Variants in USP34 observed in about 807,000 individuals in gnomAD.
The protein encoded by USP34 is ubiquitin specific peptidase 34.
USP34 carries 70 observed loss-of-function variants against 460.3 expected under a neutral mutation model. That is an observed-to-expected ratio of 0.15 (90% confidence interval 0.13 to 0.19). USP34 has a LOEUF of 0.19. USP34 is among the 10% of genes least tolerant of loss of function. USP34 has a pLI of 1.00. For missense variants in USP34, 3,985 were observed against 4,236.2 expected (o/e 0.94, Z 1.65); for synonymous variants, 1,647 against 1,405.3 (o/e 1.17, Z -3.85).
intron 10 of USP34, 104 bp from the exon 11 acceptor site, chr2:61,350,797 A>C: frequency 8.9e-7 from 1 of 1,123,734 alleles, no homozygotes. Flanking sequence ...CCAGTACACT[A>C]ATATTTTTTA....
intron 1 of USP34, among the ~76,000 whole-genome samples, chr2:61,447,218 G>GCA (rs2104047561): frequency 1.7e-5 from 2 of 117,424 alleles, no homozygotes; most frequent in South Asian, 5.9e-4. Context: ...ACGCACCACT[G>GCA]CACTCCAGCC....
chr2:61,213,625 G>C (rs763517936), intron 68 of USP34, among the ~76,000 whole-genome samples: 4 of 152,144 alleles, frequency 2.6e-5, no homozygotes, highest in Admixed American at 1.3e-4. Context: ...TGCAGCTTGA[G>C]AAAAAATACT....
chr2:61,205,937 C>A, intron 72 of USP34, 80 bp downstream of exon 72: 1 of 1,082,644 alleles, frequency 9.2e-7, no homozygotes, highest in South Asian at 1.3e-5. Context: ...TCAAACACTA[C>A]AGGCTTAACA....
chr2:61,468,402 T>C (rs1695850139), intron 1 of USP34, among the ~76,000 whole-genome samples: 1 of 152,220 alleles, frequency 6.6e-6, no homozygotes, highest in East Asian at 1.9e-4. Context: ...AGGCTGGTCT[T>C]GAACTCCCAA....
intron 1 of USP34, among the ~76,000 whole-genome samples, chr2:61,466,901 C>T (rs902994714): frequency 9.5e-6 from 1 of 105,662 alleles, no homozygotes; most frequent in Non-Finnish European, 2.0e-5. Flanking sequence ...GACTCCGTGT[C>T]AAAAAAAAAA....
chr2:61,193,991 A>T (rs912764066), intron 75 of USP34: 9 of 430,422 alleles, frequency 2.1e-5, no homozygotes, highest in African/African-American at 1.9e-4. Context: ...CATGTCAGAA[A>T]ATATTCTATA....
At chr2:61,440,578 C>T (rs548513889) in intron 1 of USP34, among the ~76,000 whole-genome samples, 1 of 150,190 alleles carries the variant, frequency 6.7e-6, no homozygotes, top group Admixed American at 6.6e-5. Flanking sequence ...AATGCAGTGG[C>T]ACAATCTCCG....
chr2:61,275,960 T>C (rs1689360688), intron 41 of USP34, among the ~76,000 whole-genome samples: 1 of 151,918 alleles, frequency 6.6e-6, no homozygotes. Context: ...TTGGAAAAAA[T>C]ACATGCAGCA....
chr2:61,210,046 C>G (rs748174128), intron 69 of USP34, among the ~76,000 whole-genome samples: 1 of 151,800 alleles, frequency 6.6e-6, no homozygotes, highest in African/African-American at 2.4e-5. Context: ...TTAAGTGCTA[C>G]GATAGAAGAA....
chr2:61,242,663 G>C (rs965690097), intron 51 of USP34, among the ~76,000 whole-genome samples: 3 of 152,126 alleles, frequency 2.0e-5, no homozygotes. Context: ...TAGTGGTGGG[G>C]CTTCTGAGAA....
Position 61,350,639 on chromosome 2 carries a change from A to C in USP34, c.1306T>G (p.Leu436Val). The change falls in exon 11 of 80, where the codon TTG becomes GTG. Residue 436 changes from leucine (L) to valine (V), a missense_variant. Leu to Val is a conservative substitution (Grantham distance 32). Around this residue, in one of 14 missense-constraint regions of USP34, gnomAD observed 716 missense variants for 626.2 expected, o/e 1.14. Transcript: ENST00000398571. The stretch of plus-strand genomic sequence containing the variant: ...AGATGTCTAAGTGGTACGGGATCCA[A>C]ATTCTTGATGAGTGAAGGAAATAAG... ...HDLFPSLIKNLDPVPLRHLLN... is the reference protein window; with the variant it reads ...HDLFPSLIKNVDPVPLRHLLN... 2 of 1,613,924 alleles carry C rather than the reference A, an allele frequency of 1.2e-6. No individual in the cohort carries two copies. The highest frequency in any genetic ancestry group is 1.7e-6 in the Non-Finnish European group (2 of 1,179,914).
intron 1 of USP34, among the ~76,000 whole-genome samples, chr2:61,467,901 G>A (rs189966841): frequency 3.9e-5 from 6 of 152,148 alleles, no homozygotes; most frequent in Admixed American, 6.5e-5. Context: ...GAATACAGGC[G>A]TGAGCTGTAT....
intron 2 of USP34, among the ~76,000 whole-genome samples, chr2:61,413,597 CT>C (rs1694108227): frequency 6.8e-6 from 1 of 146,892 alleles, no homozygotes; most frequent in Non-Finnish European, 1.5e-5. Flanking sequence ...AAGGCAGAGG[CT>C]GCAGTGAGCC....
intron 2 of USP34, 60 bp from the exon 3 acceptor site, chr2:61,406,188 A>C: frequency 7.4e-7 from 1 of 1,354,238 alleles, no homozygotes; most frequent in South Asian, 1.7e-5. Flanking sequence ...TTTTTTAATA[A>C]TATAAAAAAA....
At chr2:61,387,797 AAT>A (rs1693206731) in intron 5 of USP34, among the ~76,000 whole-genome samples, 1 of 149,116 alleles carries the variant, frequency 6.7e-6, no homozygotes, top group Non-Finnish European at 1.5e-5. Context: ...CACATGTAAA[AAT>A]ATATTTTACG....
At chr2:61,271,592 G>T (rs1342367720) in intron 41 of USP34, among the ~76,000 whole-genome samples, 1 of 151,210 alleles carries the variant, frequency 6.6e-6, no homozygotes, top group Non-Finnish European at 1.5e-5. Context: ...GAATGCAAAA[G>T]GAGGAAAAAA....
In USP34 at chr2:61,395,713, A is replaced by C. The variant is rs1004371412; in HGVS notation, c.553-480T>G. On this transcript the variant is annotated intron_variant, in intron 3 of 79. Transcript: ENST00000398571. ...AGGCAGGAGAATGGCGTGAACCCGG[A>C]AGGCGGAGCTTGCAGTGAGCGGAGA... Among the ~76,000 whole-genome samples the C allele has an allele frequency of 2.7e-5, 4 of 146,140 alleles. No individual in the cohort carries two copies. The Admixed American group carries it at 2.8e-4, about 10-fold the overall frequency.
chr2:61,189,095 T>G (rs775436188), intron 78 of USP34, 26 bp from the exon 79 acceptor site: 25 of 1,596,780 alleles, frequency 1.6e-5, no homozygotes, highest in Middle Eastern at 1.7e-4. Context: ...TAGGAACATT[T>G]CAAATTCTAA....
intron 25 of USP34, 71 bp from the exon 26 acceptor site, chr2:61,311,981 A>G: frequency 1.3e-6 from 2 of 1,553,484 alleles, no homozygotes; most frequent in Non-Finnish European, 1.7e-6. Flanking sequence ...GCAAATTTTT[A>G]TCATCTTACA....
Sources: gnomAD v4.1 joint callset for allele counts (sites outside exome capture counted in the v4.1 genomes callset) on GRCh38, gnomAD v4.1.1 for gene constraint, gnomAD v4.1.1 regional missense constraint, MANE v1.5 for transcripts, NCBI Gene and HGNC (gene_info 2026-07-23, HGNC 2026-07-21) for gene names.